Variants in ZNF248 observed in about 807,000 individuals in gnomAD.
The protein encoded by ZNF248 is KRAB protein domain.
ZNF248 carries 20 observed loss-of-function variants against 44.3 expected under a neutral mutation model. The ratio of observed to expected loss-of-function variants is 0.45; its 90% CI spans 0.32 to 0.66. The LOEUF (loss-of-function observed/expected upper bound fraction) is 0.66, where lower values mean the gene tolerates loss of function less well. Among genes scored for constraint, ZNF248 ranks in the 30% least tolerant of loss-of-function variants. The pLI, the probability that ZNF248 is intolerant of heterozygous loss-of-function variation, is 0.04. For missense variants in ZNF248, 654 were observed against 677.0 expected, an observed-to-expected ratio of 0.97 and a Z score of 0.38; for synonymous variants, 224 against 229.0, an observed-to-expected ratio of 0.98 and a Z score of 0.20.
At chr10:37,780,971 G>C (rs890439330) in intron 6 of ZNF248, among the ~76,000 whole-genome samples, 5 of 152,168 alleles carry the variant, frequency 3.3e-5, no homozygotes, top group Non-Finnish European at 5.9e-5. Flanking sequence ...GTTGGGGACC[G>C]TGCGGGACAC....
At chr10:37,856,743 TG>T in intron 1 of ZNF248, 1 of 986,982 alleles carries the variant, frequency 1.0e-6, no homozygotes, top group Non-Finnish European at 1.2e-6. Flanking sequence ...GGATGTTAAA[TG>T]CAAGTTTAAA....
chr10:37,793,594 GATTAT>G lies in ZNF248; in HGVS notation c.331-17024_331-17020del, dbSNP rs142386399. 3.9e-3 allele frequency among the ~76,000 whole-genome samples: 600 copies of G among 152,246 alleles called. 7 individuals carry two copies. Among genetic ancestry groups the G allele is most frequent in the African/African-American group, 0.014 (570 of 41,544 alleles). ...AGAATTCAGTGGGTCTAGTTCTAAT[GATTAT>G]ATTAAGGGCAAATATATTCATTCTA... On this transcript the variant is annotated intron_variant, in intron 6 of 6. Transcript: ENST00000615949.
At chr10:37,820,785 C>T (rs1486828932) in intron 6 of ZNF248, 3 of 1,061,626 alleles carry the variant, frequency 2.8e-6, no homozygotes, top group Non-Finnish European at 4.4e-6. Flanking sequence ...ATCTGATGTA[C>T]TCTCCTTCAT....
downstream of ZNF248, among the ~76,000 whole-genome samples, chr10:37,827,480 T>C (rs2133789101): frequency 6.6e-6 from 1 of 152,318 alleles, no homozygotes; most frequent in African/African-American, 2.4e-5. Context: ...GAGACCTTTC[T>C]CTTCATAAGT....
At chr10:37,789,403 T>C (rs563704145) in intron 6 of ZNF248, among the ~76,000 whole-genome samples, 1 of 152,216 alleles carries the variant, frequency 6.6e-6, no homozygotes, top group East Asian at 1.9e-4. Context: ...GGGCAAACAT[T>C]TCAGGAAGAG....
Position 37,837,612 on chromosome 10 carries a change from C to T in ZNF248, c.238+5G>A. 1 of 1,612,222 alleles carries T rather than the reference C, an allele frequency of 6.2e-7. No individual in the cohort carries two copies. The highest frequency in any genetic ancestry group is 2.2e-5 in the East Asian group (1 of 44,862). The stretch of plus-strand genomic sequence containing the variant: ...GCTTTCATCTGCCAGAAATCACTAA[C>T]TCACCTGGGTGGCACTGGCTTGGGA... On this transcript the variant is annotated splice_donor_5th_base_variant and intron_variant, in intron 5 of 5. Transcript: ENST00000395867.
At chr10:37,841,964 T>C (rs980275874) in intron 3 of ZNF248, among the ~76,000 whole-genome samples, 3 of 152,094 alleles carry the variant, frequency 2.0e-5, no homozygotes, top group African/African-American at 4.8e-5. Flanking sequence ...TAAGGAGACA[T>C]GATGACTAAG....
In ZNF248 at chr10:37,829,785, A is replaced by C. The variant is rs1221326881; in HGVS notation, c.*1830T>G. The C allele has an allele frequency of 2.0e-6, 2 of 985,240 alleles. No homozygotes were observed. The highest frequency in any genetic ancestry group is 2.4e-6 in the Non-Finnish European group (2 of 829,924). 61.0% of individuals were successfully genotyped at this position (985,240 alleles called of 1,614,324 possible). On this transcript the variant is annotated 3_prime_UTR_variant, in exon 6 of 6. Coordinates refer to ENST00000395867, the MANE Select transcript of ZNF248 (RefSeq NM_021045.3). Reference sequence around the variant, plus strand: ...GTCATGACAATGTTGTATCAAGGAGATCTTTCCCAGAAGTACTACACAATA... The same window carrying C: ...GTCATGACAATGTTGTATCAAGGAGCTCTTTCCCAGAAGTACTACACAATA...
intron 3 of ZNF248, among the ~76,000 whole-genome samples, chr10:37,852,580 G>A (rs913715886): frequency 6.6e-6 from 1 of 151,502 alleles, no homozygotes; most frequent in African/African-American, 2.4e-5. Flanking sequence ...GTGGATAAAC[G>A]AATCTAATTT....
Position 37,838,107 on chromosome 10 carries a change from T to C in ZNF248, c.20A>G (p.Gln7Arg). The change falls in exon 4 of 6, where the codon CAA becomes CGA. Residue 7 changes from glutamine (Q) to arginine (R), a missense_variant. Coordinates refer to ENST00000395867, the MANE Select transcript of ZNF248 (RefSeq NM_021045.3). MNKSQE[Q>R]VSFKDVCVDF... The stretch of plus-strand genomic sequence containing the variant: ...CACACATACATCCTTGAATGACACT[T>C]GTTCCTGTAATAGTATACTCTTTTT... 1 of 1,612,378 alleles carries C rather than the reference T, an allele frequency of 6.2e-7. No individual in the cohort carries two copies. The highest frequency in any genetic ancestry group is 1.7e-5 in the Admixed American group (1 of 59,910).
intron 3 of ZNF248, among the ~76,000 whole-genome samples, chr10:37,853,767 A>C (rs1210102448): frequency 6.6e-6 from 1 of 152,234 alleles, no homozygotes; most frequent in African/African-American, 2.4e-5. Context: ...ATATCCTTCA[A>C]AATGAAGAAA....
chr10:37,759,689 T>C, the ZNF248 span, among the ~76,000 whole-genome samples: 1 of 152,330 alleles, frequency 6.6e-6, no homozygotes, highest in South Asian at 2.1e-4. Context: ...GTGGTTAGAA[T>C]GTTGCTCAGT....
At position 37,829,394 on chromosome 10, in the gene ZNF248, C is replaced by A. The variant is rs1039605364; in HGVS notation, c.*2221G>T. 4 of 985,278 alleles carry A rather than the reference C, an allele frequency of 4.1e-6. No homozygotes were observed. In the African/African-American group the frequency reaches 7.0e-5, roughly 17 times the overall value. 61.0% of individuals were successfully genotyped at this position (985,278 alleles called of 1,614,324 possible). ...TTTAGTTGGAGAATTCTGTTTTCCA[C>A]CAGAAAGAACCATGGCTGATACAAA... On this transcript the variant is annotated 3_prime_UTR_variant, in exon 6 of 6. Coordinates refer to ENST00000395867, the MANE Select transcript of ZNF248 (RefSeq NM_021045.3).
At chr10:37,818,761 C>T in intron 6 of ZNF248, 1 of 709,172 alleles carries the variant, frequency 1.4e-6, no homozygotes. Flanking sequence ...GTAGGCCAAA[C>T]ATCGTCAAAT....
intron 3 of ZNF248, among the ~76,000 whole-genome samples, chr10:37,838,538 G>A (rs1194867156): frequency 6.6e-6 from 1 of 152,188 alleles, no homozygotes; most frequent in Non-Finnish European, 1.5e-5. Context: ...TAATGGGATT[G>A]AAATGAATAT....
chr10:37,766,013 G>C, the ZNF248 span, among the ~76,000 whole-genome samples: 1 of 152,264 alleles, frequency 6.6e-6, no homozygotes, highest in African/African-American at 2.4e-5. Context: ...CTGATTGCTA[G>C]CACAGCAGTC....
At position 37,830,703 on chromosome 10, in the gene ZNF248, C is replaced by T. The variant is rs1430375962; in HGVS notation, c.*912G>A. 1.4e-6 allele frequency: 1 copy of T among 709,178 alleles called. No homozygotes were observed. The highest frequency in any genetic ancestry group is 1.3e-4 in the East Asian group (1 of 7,514). 43.9% of individuals were successfully genotyped at this position (709,178 alleles called of 1,614,324 possible). On this transcript the variant is annotated 3_prime_UTR_variant, in exon 6 of 6. Coordinates refer to ENST00000395867, the MANE Select transcript of ZNF248 (RefSeq NM_021045.3). ...TCAATTTCCATGGTGTAAACACTCC[C>T]ACTAAGTCCAAGCTACCAAGACAGC...
At chr10:37,812,136 C>G (rs187355518) in intron 6 of ZNF248, among the ~76,000 whole-genome samples, 79 of 152,064 alleles carry the variant, frequency 5.2e-4, no homozygotes, top group Admixed American at 3.9e-3. Flanking sequence ...ACTCGGGAGG[C>G]TGGGGTGAGA....
chr10:37,777,533 C>T (rs2046720532), intron 6 of ZNF248, among the ~76,000 whole-genome samples: 1 of 140,868 alleles, frequency 7.1e-6, no homozygotes, highest in Non-Finnish European at 1.6e-5. Flanking sequence ...TGGTCTTCGA[C>T]TCTTTTTTTT....
Sources: gnomAD v4.1 joint callset for allele counts (sites outside exome capture counted in the v4.1 genomes callset) on GRCh38, gnomAD v4.1.1 for gene constraint, MANE v1.5 for transcripts, NCBI Gene and HGNC (gene_info 2026-07-23, HGNC 2026-07-21) for gene names.